The following PLAGL1 variants were observed in gnomAD, a reference collection of about 807,000 sequenced individuals.
The protein encoded by PLAGL1 is zinc finger protein PLAGL1.
PLAGL1 carries 1 observed loss-of-function variant against 4.6 expected under a neutral mutation model. That is an observed-to-expected ratio of 0.22 (90% CI 0.08 to 1.03). PLAGL1 has a LOEUF of 1.03. Ranked by LOEUF, PLAGL1 falls within the 50% of genes least tolerant of loss-of-function variation. The pLI is 0.58. For synonymous variants in PLAGL1, 240 were observed against 237.8 expected (o/e 1.01, Z -0.08); for missense variants, 464 against 570.4 (o/e 0.81, Z 1.90).
chr6:143,991,450 A>G (rs1220647056), intron 1 of PLAGL1, among the ~76,000 whole-genome samples: 1 of 152,198 alleles, frequency 6.6e-6, no homozygotes, highest in Non-Finnish European at 1.5e-5. Flanking sequence ...TTCCCTCCCT[A>G]GTTCTACCAT....
intron 2 of PLAGL1, among the ~76,000 whole-genome samples, chr6:143,980,856 C>G (rs1787780947): frequency 6.6e-6 from 1 of 152,204 alleles, no homozygotes; most frequent in Non-Finnish European, 1.5e-5. Context: ...TAAGCTACTT[C>G]AAACAATTTG....
intron 6 of PLAGL1, among the ~76,000 whole-genome samples, chr6:143,951,983 T>C (rs1361116282): frequency 1.3e-5 from 2 of 152,178 alleles, no homozygotes; most frequent in Admixed American, 1.3e-4. Flanking sequence ...TTCTTCCATA[T>C]GGGCCTTAGA....
Position 143,979,438 on chromosome 6 carries a change from T to C in PLAGL1, c.-544+5697A>G, listed in dbSNP as rs1215949417. 6.6e-6 allele frequency among the ~76,000 whole-genome samples: 1 copy of C among 152,136 alleles called. No homozygotes were observed. Among genetic ancestry groups the C allele is most frequent in the Non-Finnish European group, 1.5e-5 (1 of 67,976 alleles). On this transcript the variant is annotated intron_variant, in intron 2 of 7. Transcript: ENST00000674357. This position sits in a 1 kb window ranked among gnomAD's most constrained non-coding sequence, Gnocchi z 4.6. The stretch of plus-strand genomic sequence containing the variant: ...AATTATTCTTTGTTCCTTTTCTTTC[T>C]TCTTTTGAATTGATTATTTTTCTCT...
intron 1 of PLAGL1, among the ~76,000 whole-genome samples, chr6:144,021,324 C>G (rs1795962880): frequency 6.6e-6 from 1 of 152,154 alleles, no homozygotes; most frequent in Admixed American, 6.5e-5. Flanking sequence ...GCAATTATTA[C>G]TGTATTTTTG....
rs935663976 is a variant in PLAGL1, at chr6:144,015,220, C to T, written c.-150-46242G>A. The stretch of plus-strand genomic sequence containing the variant: ...ATCCTATTAATTTTTATATTGATTA[C>T]ATGTTGAAATAATATTTTAGATATA... On this transcript the variant is annotated intron_variant, in intron 1 of 3. Transcript: ENST00000437412. This position sits in a 1 kb window ranked among gnomAD's most constrained non-coding sequence, Gnocchi z 4.3. 2.0e-5 allele frequency among the ~76,000 whole-genome samples: 3 copies of T among 152,122 alleles called. No individual in the cohort carries two copies. Among genetic ancestry groups the T allele is most frequent in the African/African-American group, 7.2e-5 (3 of 41,438 alleles).
chr6:144,012,427 G>C (rs182092956), upstream of PLAGL1, among the ~76,000 whole-genome samples: 677 of 152,114 alleles, frequency 4.5e-3, 8 homozygotes, highest in African/African-American at 0.016. This position sits in a 1 kb window ranked among gnomAD's most constrained non-coding sequence, Gnocchi z 4.8. Flanking sequence ...GGGTTGGGGG[G>C]AAGTTCGCCA....
At chr6:144,033,410 A>G (rs1796976419) in intron 1 of PLAGL1, among the ~76,000 whole-genome samples, 1 of 152,216 alleles carries the variant, frequency 6.6e-6, no homozygotes, top group Admixed American at 6.5e-5. Flanking sequence ...AAATATCTAA[A>G]AATGTGGAAA....
intron 1 of PLAGL1, among the ~76,000 whole-genome samples, chr6:144,017,127 T>C (rs1179465348): frequency 1.3e-5 from 2 of 152,168 alleles, no homozygotes; most frequent in Non-Finnish European, 2.9e-5. Flanking sequence ...TCAACAGATA[T>C]TCAACAAATG....
chr6:144,001,840 T>A (rs1792958412), intron 1 of PLAGL1, among the ~76,000 whole-genome samples: 1 of 152,092 alleles, frequency 6.6e-6, no homozygotes, highest in African/African-American at 2.4e-5. Context: ...AAACATCAGA[T>A]AAATCCAAAT....
Position 143,989,805 on chromosome 6 carries a change from A to T in PLAGL1, c.-583-4631T>A, listed in dbSNP as rs530638174. Among the ~76,000 whole-genome samples the T allele has an allele frequency of 2.0e-5, 3 of 152,260 alleles. No individual in the cohort carries two copies. Among genetic ancestry groups the T allele is most frequent in the Admixed American group, 2.0e-4 (3 of 15,298 alleles). ...CCCAACAATTATGCAACATTTCCCTAATCTTTGGTCATTTCATTTCACACC... is the reference window on the plus strand; with the variant it reads ...CCCAACAATTATGCAACATTTCCCTTATCTTTGGTCATTTCATTTCACACC... On this transcript the variant is annotated intron_variant, in intron 1 of 7. Coordinates refer to ENST00000674357, the MANE Select transcript of PLAGL1 (RefSeq NM_001317162.2). This position sits in a 1 kb window ranked among gnomAD's most constrained non-coding sequence, Gnocchi z 4.8.
rs1027385880 is a variant in PLAGL1, at chr6:143,945,183, C to A, written c.153-2520G>T. ...TCTCATCCTATAGCTGAAATTACTT[C>A]AACGACTTGTTTCTTTCCCTCAGTT... On this transcript the variant is annotated intron_variant, in intron 7 of 7. Coordinates refer to ENST00000674357, the MANE Select transcript of PLAGL1 (RefSeq NM_001317162.2). This position sits in a 1 kb window ranked among gnomAD's most constrained non-coding sequence, Gnocchi z 4.2. Among the ~76,000 whole-genome samples the A allele has an allele frequency of 3.3e-5, 5 of 152,184 alleles. No homozygotes were observed. Among genetic ancestry groups the A allele is most frequent in the Non-Finnish European group, 5.9e-5 (4 of 68,030 alleles).
rs1400242168 is a variant in PLAGL1 at position 143,970,713 on chromosome 6, C to A, written c.-543-1735G>T. ...CACAGAGACATAACATATGTCCATC[C>A]CCAAACCTATTTTGAGGGTTTCTCT... On this transcript the variant is annotated intron_variant, in intron 2 of 7. Transcript: ENST00000674357. The surrounding 1 kb of genome is among the most constrained non-coding windows in gnomAD (Gnocchi z 5.8). 1.3e-5 allele frequency among the ~76,000 whole-genome samples: 2 copies of A among 152,086 alleles called. No individual in the cohort carries two copies. The highest frequency in any genetic ancestry group is 3.9e-4 in the East Asian group (2 of 5,192).
chr6:144,015,732 G>A lies in PLAGL1; in HGVS notation c.-150-46754C>T, dbSNP rs1054013883. ...AAGTTGAAAAGACTGAAAATACCAAGGGTTGGTGACAATGTGGAAAAACTG... is the reference window on the plus strand; with the variant it reads ...AAGTTGAAAAGACTGAAAATACCAAAGGTTGGTGACAATGTGGAAAAACTG... On this transcript the variant is annotated intron_variant, in intron 1 of 3. Coordinates refer to the PLAGL1 transcript ENST00000437412. The surrounding 1 kb of genome is among the most constrained non-coding windows in gnomAD (Gnocchi z 4.3). 1.3e-5 allele frequency among the ~76,000 whole-genome samples: 2 copies of A among 152,182 alleles called. No homozygotes were observed. The highest frequency in any genetic ancestry group is 2.4e-5 in the African/African-American group (1 of 41,448).
intron 1 of PLAGL1, among the ~76,000 whole-genome samples, chr6:144,062,426 T>C (rs1256041247): frequency 6.9e-6 from 1 of 145,400 alleles, no homozygotes; most frequent in African/African-American, 2.6e-5. Context: ...GTCATTTCCA[T>C]TTTTAGATTA....
chr6:143,981,261 G>A (rs563934686), intron 2 of PLAGL1, among the ~76,000 whole-genome samples: 1 of 150,220 alleles, frequency 6.7e-6, no homozygotes, highest in African/African-American at 2.4e-5. Context: ...GTGGGGGTGG[G>A]GTGGGGGGGA....
rs1271500713 is a variant in PLAGL1 at position 144,039,731 on chromosome 6, G to A, written c.-151+24737C>T. Reference sequence around the variant, plus strand: ...TTTGTAATAGTCAGTGAATACAAAGGGGTATATACTAAATGCTACAGAAAT... The same window carrying A: ...TTTGTAATAGTCAGTGAATACAAAGAGGTATATACTAAATGCTACAGAAAT... On this transcript the variant is annotated intron_variant, in intron 1 of 3. Coordinates refer to the PLAGL1 transcript ENST00000437412. This position sits in a 1 kb window ranked among gnomAD's most constrained non-coding sequence, Gnocchi z 4.1. Among the ~76,000 whole-genome samples the A allele has an allele frequency of 6.6e-6, 1 of 152,114 alleles. No individual in the cohort carries two copies. Among genetic ancestry groups the A allele is most frequent in the Non-Finnish European group, 1.5e-5 (1 of 68,012 alleles).
intron 1 of PLAGL1, among the ~76,000 whole-genome samples, chr6:144,032,982 A>C (rs77691416): frequency 0.083 from 12,697 of 152,298 alleles, 769 homozygotes; most frequent in Admixed American, 0.21. Flanking sequence ...ATGGCATGAT[A>C]AGTGATGATG....
In PLAGL1 at chr6:143,994,900, T is replaced by G. The variant is rs2876579; in HGVS notation, c.-583-9726A>C. Among the ~76,000 whole-genome samples the G allele has an allele frequency of 1.9e-3, 296 of 152,360 alleles. 4 individuals are homozygous for G. Among genetic ancestry groups the G allele is most frequent in the East Asian group, 0.014 (74 of 5,186 alleles). On this transcript the variant is annotated intron_variant, in intron 1 of 7. Coordinates refer to ENST00000674357, the MANE Select transcript of PLAGL1 (RefSeq NM_001317162.2). The surrounding 1 kb of genome is among the most constrained non-coding windows in gnomAD (Gnocchi z 4.3). ...GCAAATTTGCATTAATTTCAGATTT[T>G]CTGAACTCACGGAGGTAATTGGACT...
chr6:144,003,560 T>C (rs6936558), intron 1 of PLAGL1, among the ~76,000 whole-genome samples: 120,149 of 149,696 alleles, frequency 0.8, 48,270 homozygotes, highest in Middle Eastern at 0.83. Flanking sequence ...GGAGGCGGAG[T>C]TTGCAGTGAG....
Sources: allele counts gnomAD v4.1 joint callset (sites outside exome capture counted in the v4.1 genomes callset), GRCh38; gene constraint gnomAD v4.1.1; non-coding constraint Gnocchi (gnomAD v3.1); transcripts MANE v1.5; gene names NCBI Gene and HGNC (gene_info 2026-07-23, HGNC 2026-07-21).